The following THRB variants were observed in gnomAD, a reference collection of about 807,000 sequenced individuals.
THRB encodes the protein thyroid hormone receptor beta, also known as nuclear receptor subfamily 1 group A member 2.
A neutral mutation model predicts 47.8 loss-of-function variants in THRB; 12 were observed. The observed-to-expected ratio is 0.25, with a 90% CI of 0.16 to 0.41. The LOEUF (loss-of-function observed/expected upper bound fraction) is 0.41, where lower values mean the gene tolerates loss of function less well. THRB is among the 10% of genes least tolerant of loss of function. The probability of loss-of-function intolerance (pLI) is 1.00; values close to 1 mark genes in which losing one functional copy is unlikely to be tolerated. For synonymous variants in THRB, 218 were observed against 212.2 expected (o/e 1.03, Z -0.24); for missense variants, 348 against 589.2 (o/e 0.59, Z 4.24).
At chr3:24,204,971 C>T (rs144677310) in intron 4 of THRB, among the ~76,000 whole-genome samples, 38 of 152,178 alleles carry the variant, frequency 2.5e-4, no homozygotes, top group East Asian at 1.9e-3. Context: ...TAAAAAGAAA[C>T]GAACAAAGCC....
intron 1 of THRB, among the ~76,000 whole-genome samples, chr3:24,371,634 C>T (rs984381573): frequency 3.3e-5 from 5 of 152,042 alleles, no homozygotes; most frequent in African/African-American, 1.2e-4. Flanking sequence ...CTTCTAGCCC[C>T]TTCACTAAGG....
At chr3:24,230,739 G>T (rs535185821) in intron 3 of THRB, among the ~76,000 whole-genome samples, 1 of 152,282 alleles carries the variant, frequency 6.6e-6, no homozygotes, top group Non-Finnish European at 1.5e-5. Flanking sequence ...ATTCTAAAGA[G>T]GTGGAGGAAC....
chr3:24,155,172 TAATTC>T (rs1292627354), intron 5 of THRB, among the ~76,000 whole-genome samples: 4 of 152,196 alleles, frequency 2.6e-5, no homozygotes, highest in Non-Finnish European at 4.4e-5. Context: ...AATCCAACAA[TAATTC>T]AATCAGTGAC....
At chr3:24,237,599 A>G (rs2049003411) in intron 3 of THRB, among the ~76,000 whole-genome samples, 1 of 152,110 alleles carries the variant, frequency 6.6e-6, no homozygotes, top group South Asian at 2.1e-4. Context: ...ATGGCATGTT[A>G]CAAAGAGCAT....
In THRB at chr3:24,186,931, C is replaced by G. The variant is rs945010290; in HGVS notation, c.283+3143G>C. Among the ~76,000 whole-genome samples, 5 of 93,638 alleles carry G rather than the reference C, an allele frequency of 5.3e-5. No individual in the cohort carries two copies. In the South Asian group the frequency reaches 2.0e-3, roughly 37 times the overall value. 61.4% of individuals were successfully genotyped at this position (93,638 alleles called of 152,430 possible). On this transcript the variant is annotated intron_variant, in intron 5 of 10. Transcript: ENST00000646209. ...CTGCACTCCATCCTGGGCAACAGAG[C>G]AAGACTCCATTTCAAAAAAAAAAAA...
chr3:24,418,913 T>C (rs2068989929), intron 1 of THRB, among the ~76,000 whole-genome samples: 3 of 152,066 alleles, frequency 2.0e-5, no homozygotes, highest in African/African-American at 7.2e-5. Flanking sequence ...CAAATATTTC[T>C]GGAAAGACTA....
intron 1 of THRB, among the ~76,000 whole-genome samples, chr3:24,406,850 G>T (rs1186240809): frequency 6.6e-6 from 1 of 151,854 alleles, no homozygotes; most frequent in Non-Finnish European, 1.5e-5. Context: ...TAATTTCTTG[G>T]TAAGTGGGGC....
At chr3:24,292,682 G>A (rs1052846900) in intron 3 of THRB, among the ~76,000 whole-genome samples, 3 of 152,154 alleles carry the variant, frequency 2.0e-5, no homozygotes, top group African/African-American at 4.8e-5. Flanking sequence ...AAATCTTGTC[G>A]AGTAAAGAAG....
chr3:24,281,837 A>G (rs1338786014), intron 3 of THRB, among the ~76,000 whole-genome samples: 2 of 151,526 alleles, frequency 1.3e-5, no homozygotes, highest in Non-Finnish European at 2.9e-5. Flanking sequence ...AGAGACAAAG[A>G]AGGCCATTAT....
At chr3:24,386,275 T>C (rs2066096055) in intron 1 of THRB, among the ~76,000 whole-genome samples, 3 of 152,108 alleles carry the variant, frequency 2.0e-5, no homozygotes, top group Admixed American at 6.6e-5. Context: ...TTCTATTTCT[T>C]TCTACTTGCC....
chr3:24,238,276 TGTGGGGG>T (rs1420026802), intron 3 of THRB, among the ~76,000 whole-genome samples: 10 of 19,410 alleles, frequency 5.2e-4, no homozygotes, highest in Admixed American at 1.3e-3. Flanking sequence ...TGTGTGTGTG[TGTGGGGG>T]GGGGGGGGGT....
At position 24,223,333 on chromosome 3, in the gene THRB, T is replaced by G. The variant is rs62253716; in HGVS notation, c.22+5605A>C. On this transcript the variant is annotated intron_variant, in intron 4 of 10. Coordinates refer to ENST00000646209, the MANE Select transcript of THRB (RefSeq NM_001354712.2). ...GCGTCTAATTAAAAAGAACTACATG[T>G]TGAAATAAAAGTGCTAACACATTCC... Among the ~76,000 whole-genome samples, 663 of 152,314 alleles carry G rather than the reference T, an allele frequency of 4.4e-3. 3 individuals are homozygous for G. Among genetic ancestry groups the G allele is most frequent in the Non-Finnish European group, 7.8e-3 (528 of 68,022 alleles).
intron 3 of THRB, among the ~76,000 whole-genome samples, chr3:24,279,419 T>G (rs1000631131): frequency 2.6e-5 from 4 of 152,050 alleles, no homozygotes; most frequent in African/African-American, 9.7e-5. Flanking sequence ...AGCCTCATTC[T>G]GTCGCCCAGG....
chr3:24,353,837 T>G (rs1249412140), intron 1 of THRB, among the ~76,000 whole-genome samples: 1 of 152,158 alleles, frequency 6.6e-6, no homozygotes, highest in African/African-American at 2.4e-5. Flanking sequence ...GCATAGCAAA[T>G]TTTAAACACT....
chr3:24,233,016 T>C (rs1054042095), intron 3 of THRB, among the ~76,000 whole-genome samples: 2 of 152,110 alleles, frequency 1.3e-5, no homozygotes, highest in African/African-American at 2.4e-5. Context: ...ATCATGCAGG[T>C]GGAGCCTTCC....
chr3:24,178,578 C>A (rs2041475513), intron 5 of THRB, among the ~76,000 whole-genome samples: 1 of 152,162 alleles, frequency 6.6e-6, no homozygotes. Context: ...AGAAATATTT[C>A]TTCAATGGTG....
intron 4 of THRB, among the ~76,000 whole-genome samples, chr3:24,225,292 C>G (rs772669926): frequency 6.6e-6 from 1 of 152,106 alleles, no homozygotes; most frequent in Non-Finnish European, 1.5e-5. Flanking sequence ...TATCTTGGCA[C>G]GCATCCCTTC....
chr3:24,133,695 AAGAG>A lies in THRB; in HGVS notation c.739-237_739-234del, dbSNP rs10652016. 0.35 allele frequency among the ~76,000 whole-genome samples: 52,375 copies of A among 150,232 alleles called. 9,820 individuals are homozygous for A. The highest frequency in any genetic ancestry group is 0.51 in the African/African-American group (20,804 of 40,966). On this transcript the variant is annotated intron_variant, in intron 8 of 10. Transcript: ENST00000646209. ...ATGTTTACAGGACTGTTGCTGCAGA[AAGAG>A]AGAGAGAGAGAGAGAGAGAGAGATC...
intron 4 of THRB, among the ~76,000 whole-genome samples, chr3:24,221,621 G>A (rs1054309270): frequency 1.3e-5 from 2 of 152,144 alleles, no homozygotes; most frequent in African/African-American, 4.8e-5. Flanking sequence ...GTGACTTCTA[G>A]GAAGAATACA....
Sources: allele counts gnomAD v4.1 joint callset (sites outside exome capture counted in the v4.1 genomes callset), GRCh38; gene constraint gnomAD v4.1.1; transcripts MANE v1.5; gene names NCBI Gene and HGNC (gene_info 2026-07-23, HGNC 2026-07-21).